The following GNG2 variants were observed in gnomAD, a reference collection of about 807,000 sequenced individuals.
The protein encoded by GNG2 is G protein subunit gamma 2.
A neutral mutation model predicts 5.5 loss-of-function variants in GNG2; 5 were observed. The observed-to-expected ratio is 0.91, with a 90% CI of 0.48 to 1.92. GNG2 has a LOEUF of 1.92. Ranked by LOEUF, GNG2 falls within the 30% of genes most tolerant of loss-of-function variation. GNG2 has a pLI of 0.01. For missense variants in GNG2, 55 were observed against 88.4 expected (o/e 0.62, Z 1.52); for synonymous variants, 28 against 32.0 (o/e 0.88, Z 0.42).
chr14:51,937,622 A>G (rs1888087010), intron 2 of GNG2, among the ~76,000 whole-genome samples: 1 of 24,190 alleles, frequency 4.1e-5, no homozygotes, highest in African/African-American at 1.4e-4. Flanking sequence ...AGAAATACAT[A>G]ATTTTTTTTT....
intron 2 of GNG2, among the ~76,000 whole-genome samples, chr14:51,942,438 C>G (rs1385826738): frequency 6.6e-6 from 1 of 152,098 alleles, no homozygotes; most frequent in Admixed American, 6.5e-5. Flanking sequence ...ACCAACCCCA[C>G]ACATTTCCAA....
chr14:51,841,768 A>G (rs1239850702), intron 2 of GNG2, among the ~76,000 whole-genome samples: 1 of 152,260 alleles, frequency 6.6e-6, no homozygotes, highest in Admixed American at 6.5e-5. Flanking sequence ...TATAGATACA[A>G]GGAAATGCTT....
At chr14:51,916,032 A>T (rs1886598540) in intron 2 of GNG2, 1 of 152,622 alleles carries the variant, frequency 6.6e-6, no homozygotes, top group Non-Finnish European at 1.5e-5. Flanking sequence ...CTCAAAGATA[A>T]ACTCCTTGAG....
At chr14:51,958,556 C>G (rs1889410934) in intron 3 of GNG2, among the ~76,000 whole-genome samples, 1 of 151,486 alleles carries the variant, frequency 6.6e-6, no homozygotes, top group Admixed American at 6.6e-5. Context: ...CAGTTTTCTA[C>G]TTTCCGTATT....
intron 2 of GNG2, among the ~76,000 whole-genome samples, chr14:51,895,054 A>AG (rs1885103698): frequency 6.6e-6 from 1 of 151,930 alleles, no homozygotes; most frequent in African/African-American, 2.4e-5. Flanking sequence ...GAAAAAAAAA[A>AG]CAATGAACTT....
At chr14:51,950,837 A>C in intron 3 of GNG2, 72 bp downstream of exon 3, 1 of 836,540 alleles carries the variant, frequency 1.2e-6, no homozygotes, top group Non-Finnish European at 1.8e-6. Context: ...ACTCTTTCCT[A>C]GAGAGGGATA....
chr14:51,881,482 T>G (rs190879059), intron 2 of GNG2, among the ~76,000 whole-genome samples: 1,764 of 152,152 alleles, frequency 0.012, 18 homozygotes, highest in Non-Finnish European at 0.016. Flanking sequence ...CCCCACTACT[T>G]CTGCAGTACT....
chr14:51,837,521 C>G (rs974883001), intron 2 of GNG2, among the ~76,000 whole-genome samples: 3 of 151,846 alleles, frequency 2.0e-5, no homozygotes, highest in African/African-American at 7.3e-5. Context: ...GGGTCGCATG[C>G]CTGTAGTTTC....
rs1888727104 is a variant in GNG2 at position 51,947,802 on chromosome 14, A to G, written c.-29-2848A>G. On this transcript the variant is annotated intron_variant, in intron 2 of 3. Transcript: ENST00000556766. ...GGAGCATGAAAAGGCATTGAGACACAGACTTTCCTTGATGCTTGAATGACA... is the reference window on the plus strand; with the variant it reads ...GGAGCATGAAAAGGCATTGAGACACGGACTTTCCTTGATGCTTGAATGACA... Among the ~76,000 whole-genome samples the G allele has an allele frequency of 2.0e-5, 3 of 152,258 alleles. 1 individual carries two copies. In the South Asian group the frequency reaches 6.2e-4, roughly 31 times the overall value.
At chr14:51,952,365 TCTC>T (rs1180412312) in intron 3 of GNG2, among the ~76,000 whole-genome samples, 5 of 152,224 alleles carry the variant, frequency 3.3e-5, no homozygotes, top group Admixed American at 6.5e-5. Context: ...ATCTTCCTCT[TCTC>T]CTCTTTTCTT....
At chr14:51,943,140 A>G (rs180841212) in intron 2 of GNG2, among the ~76,000 whole-genome samples, 2 of 152,294 alleles carry the variant, frequency 1.3e-5, no homozygotes, top group Non-Finnish European at 2.9e-5. Flanking sequence ...GGGCCCTACA[A>G]AGGTAAATTC....
At chr14:51,963,469 CTATCGCT>C (rs1253417821) in intron 3 of GNG2, among the ~76,000 whole-genome samples, 3 of 152,194 alleles carry the variant, frequency 2.0e-5, no homozygotes, top group African/African-American at 7.2e-5. Context: ...GTAACAATGA[CTATCGCT>C]CAAACAAGAA....
intron 2 of GNG2, among the ~76,000 whole-genome samples, chr14:51,892,277 G>A (rs755872409): frequency 1.3e-5 from 2 of 151,770 alleles, no homozygotes; most frequent in Non-Finnish European, 2.9e-5. Flanking sequence ...AAGCAATATC[G>A]AGCCTGAGAG....
chr14:51,910,197 A>T (rs1410319801), intron 2 of GNG2, among the ~76,000 whole-genome samples: 2 of 152,236 alleles, frequency 1.3e-5, no homozygotes, highest in African/African-American at 4.8e-5. Flanking sequence ...CCAGGAAGCC[A>T]GGAAAACGGA....
chr14:51,921,927 C>A (rs1212150785), intron 2 of GNG2, among the ~76,000 whole-genome samples: 1 of 152,182 alleles, frequency 6.6e-6, no homozygotes, highest in East Asian at 1.9e-4. Flanking sequence ...GCATCATTTT[C>A]TCTTCATTTC....
At chr14:51,858,211 T>C (rs948415605), upstream of GNG2, among the ~76,000 whole-genome samples, 47 of 151,930 alleles carry the variant, frequency 3.1e-4, 1 homozygote, top group Non-Finnish European at 2.5e-4. Context: ...TGGATTAATC[T>C]ATCCTGGCCA....
chr14:51,900,026 C>T (rs1885447795), intron 2 of GNG2, among the ~76,000 whole-genome samples: 1 of 152,170 alleles, frequency 6.6e-6, no homozygotes, highest in African/African-American at 2.4e-5. Context: ...TGTATATACT[C>T]AGAAATGAAA....
rs1336713541 is a variant in GNG2, at chr14:51,967,825, T to C, written c.*1138T>C. On this transcript the variant is annotated 3_prime_UTR_variant, in exon 4 of 4. Coordinates refer to ENST00000556766, the MANE Select transcript of GNG2 (RefSeq NM_053064.5). Reference sequence around the variant, plus strand: ...TCTAGATTAAAAGAACATTTTTTTGTGCTCTTAACAAGAAAACCATGGCCC... The same window carrying C: ...TCTAGATTAAAAGAACATTTTTTTGCGCTCTTAACAAGAAAACCATGGCCC... 1.3e-5 allele frequency: 2 copies of C among 151,948 alleles called. No individual in the cohort carries two copies. Among genetic ancestry groups the C allele is most frequent in the Non-Finnish European group, 2.9e-5 (2 of 68,020 alleles). The allele number at this position is 151,948 out of a possible 1,614,324, so 9.4% of individuals were successfully genotyped here.
intron 3 of GNG2, among the ~76,000 whole-genome samples, chr14:51,960,113 A>C (rs555794322): frequency 9.3e-5 from 14 of 150,464 alleles, no homozygotes; most frequent in Non-Finnish European, 1.9e-4. Context: ...TTCTTTAGGG[A>C]CTCCAATTAT....
Sources: gnomAD v4.1 joint callset for allele counts (sites outside exome capture counted in the v4.1 genomes callset) on GRCh38, gnomAD v4.1.1 for gene constraint, MANE v1.5 for transcripts, NCBI Gene and HGNC (gene_info 2026-07-23, HGNC 2026-07-21) for gene names.